FHIT: variants seen among roughly 807,000 people sequenced by gnomAD.
FHIT encodes bis(5'-adenosyl)-triphosphatase.
Under a neutral mutation model 17.9 loss-of-function variants are expected in FHIT, and 19 were observed. The ratio of observed to expected loss-of-function variants is 1.06; its 90% CI spans 0.74 to 1.56. The LOEUF (loss-of-function observed/expected upper bound fraction) is 1.56, where lower values mean the gene tolerates loss of function less well. FHIT is among the 40% of genes most tolerant of loss of function. The pLI, the probability that FHIT is intolerant of heterozygous loss-of-function variation, is 0.00. For synonymous variants in FHIT, 81 were observed against 69.7 expected (o/e 1.16, Z -0.81); for missense variants, 248 against 189.2 (o/e 1.31, Z -1.82).
intron 5 of FHIT, among the ~76,000 whole-genome samples, chr3:60,192,188 T>G (rs1468349685): frequency 2.0e-5 from 3 of 149,800 alleles, no homozygotes; most frequent in Admixed American, 6.7e-5. Flanking sequence ...GAGGCGGAGG[T>G]TGCAGTGAGC....
At chr3:60,732,711 A>G (rs12106833) in intron 4 of FHIT, 26,926 of 279,214 alleles carry the variant, frequency 0.096, 1,686 homozygotes, top group African/African-American at 0.2. Flanking sequence ...TTTTTTGACA[A>G]AGTCTCGCTC....
intron 4 of FHIT, among the ~76,000 whole-genome samples, chr3:60,755,072 G>C (rs1433049303): frequency 2.0e-5 from 3 of 152,090 alleles, no homozygotes; most frequent in Admixed American, 2.0e-4. Flanking sequence ...CTCCTTTCTG[G>C]CATGACCTCC....
chr3:60,058,784 T>C (rs969907436), intron 5 of FHIT, among the ~76,000 whole-genome samples: 6 of 152,170 alleles, frequency 3.9e-5, no homozygotes, highest in Admixed American at 3.3e-4. Context: ...CCAAAAAAGA[T>C]AAATAACATG....
chr3:60,299,798 T>C (rs10866034), intron 5 of FHIT, among the ~76,000 whole-genome samples: 1 of 151,900 alleles, frequency 6.6e-6, no homozygotes, highest in Non-Finnish European at 1.5e-5. Flanking sequence ...GTGACGATAG[T>C]AGTTTTGGCT....
At chr3:60,195,143 G>A (rs941242732) in intron 5 of FHIT, among the ~76,000 whole-genome samples, 3 of 151,862 alleles carry the variant, frequency 2.0e-5, no homozygotes, top group Admixed American at 6.6e-5. Context: ...TCCAGCCTGG[G>A]GGACAAGAAT....
chr3:60,968,770 C>T (rs1046416368), intron 3 of FHIT, among the ~76,000 whole-genome samples: 8 of 152,058 alleles, frequency 5.3e-5, no homozygotes, highest in African/African-American at 1.9e-4. Context: ...TCCCATTTTG[C>T]TGAGATTTTA....
chr3:61,080,891 C>A (rs1410133201), intron 2 of FHIT, among the ~76,000 whole-genome samples: 1 of 151,896 alleles, frequency 6.6e-6, no homozygotes, highest in Non-Finnish European at 1.5e-5. Context: ...TGAATGAAAT[C>A]TGCAGAGAAC....
At chr3:59,993,985 C>A (rs143473431) in intron 7 of FHIT, among the ~76,000 whole-genome samples, 2 of 151,998 alleles carry the variant, frequency 1.3e-5, no homozygotes, top group Non-Finnish European at 2.9e-5. Flanking sequence ...AAGTCCCATA[C>A]CTCCCTTAAC....
At chr3:60,524,087 T>G (rs2035479281) in intron 5 of FHIT, among the ~76,000 whole-genome samples, 1 of 152,108 alleles carries the variant, frequency 6.6e-6, no homozygotes, top group South Asian at 2.1e-4. Flanking sequence ...AACAAATATT[T>G]ACTGAACACC....
intron 2 of FHIT, among the ~76,000 whole-genome samples, chr3:61,142,400 A>G (rs2037111006): frequency 6.6e-6 from 1 of 151,410 alleles, no homozygotes; most frequent in Admixed American, 6.6e-5. Context: ...TGAGAACTGC[A>G]TGCAAAATAA....
chr3:60,859,463 A>G (rs1471786566), intron 3 of FHIT, among the ~76,000 whole-genome samples: 1 of 152,056 alleles, frequency 6.6e-6, no homozygotes, highest in East Asian at 1.9e-4. Flanking sequence ...CCGCATTTCC[A>G]AGCTTCAGTG....
intron 2 of FHIT, among the ~76,000 whole-genome samples, chr3:61,146,473 C>A (rs1004491620): frequency 2.6e-5 from 4 of 152,004 alleles, no homozygotes; most frequent in Non-Finnish European, 5.9e-5. Context: ...CACTTGCAAA[C>A]GACAGTTTGA....
intron 4 of FHIT, among the ~76,000 whole-genome samples, chr3:60,647,191 T>C (rs1268488949): frequency 6.6e-6 from 1 of 152,222 alleles, no homozygotes; most frequent in East Asian, 1.9e-4. Context: ...CTTTACTTGC[T>C]TTAGCGTGAG....
chr3:60,855,740 C>T (rs186677302), intron 3 of FHIT, among the ~76,000 whole-genome samples: 1 of 152,144 alleles, frequency 6.6e-6, no homozygotes, highest in East Asian at 1.9e-4. Context: ...TTGTCGTATC[C>T]CTGTGGGACT....
intron 5 of FHIT, among the ~76,000 whole-genome samples, chr3:60,444,532 C>T (rs1409921833): frequency 6.6e-6 from 1 of 152,128 alleles, no homozygotes; most frequent in East Asian, 1.9e-4. Flanking sequence ...ATGATGAGTT[C>T]ATGTCCTTTG....
chr3:61,154,160 G>C (rs528520413), intron 2 of FHIT, among the ~76,000 whole-genome samples: 1 of 152,146 alleles, frequency 6.6e-6, no homozygotes, highest in South Asian at 2.1e-4. Flanking sequence ...TACCAGGCTC[G>C]CACGTGGCAG....
rs1439918275 is a variant in FHIT at position 59,793,649 on chromosome 3, A to G, written c.349-41328T>C. ...TCCAAGCATGGTCCGAAGACAATGT[A>G]AGGAAATGCAGGATTTACATGACTT... On this transcript the variant is annotated intron_variant, in intron 8 of 9. Coordinates refer to ENST00000492590, the MANE Select transcript of FHIT (RefSeq NM_002012.4). Among the ~76,000 whole-genome samples, 3 of 152,240 alleles carry G rather than the reference A, an allele frequency of 2.0e-5. No individual in the cohort carries two copies. In the East Asian group the frequency reaches 5.8e-4, roughly 29 times the overall value.
intron 5 of FHIT, among the ~76,000 whole-genome samples, chr3:60,241,000 G>T (rs1167462993): frequency 6.6e-6 from 1 of 152,100 alleles, no homozygotes; most frequent in Non-Finnish European, 1.5e-5. Context: ...AAACAGATTT[G>T]TAAGAATTTA....
At chr3:60,715,129 C>T (rs2041648269) in intron 4 of FHIT, among the ~76,000 whole-genome samples, 1 of 152,020 alleles carries the variant, frequency 6.6e-6, no homozygotes, top group Non-Finnish European at 1.5e-5. Context: ...GAAATAATGC[C>T]GCATATCTAC....
Sources: allele counts gnomAD v4.1 joint callset (sites outside exome capture counted in the v4.1 genomes callset), GRCh38; gene constraint gnomAD v4.1.1; transcripts MANE v1.5; gene names NCBI Gene and HGNC (gene_info 2026-07-23, HGNC 2026-07-21).